GNG2: variants seen among roughly 807,000 people sequenced by gnomAD.
GNG2 encodes the protein G protein subunit gamma 2.
In GNG2, 5 loss-of-function variants were observed where a neutral mutation model predicts 5.5. The observed-to-expected ratio is 0.91, with a 90% CI of 0.48 to 1.92. GNG2 has a LOEUF of 1.92. Ranked by LOEUF, GNG2 falls within the 30% of genes most tolerant of loss-of-function variation. GNG2 has a pLI of 0.01. For missense variants in GNG2, 55 were observed against 88.4 expected (o/e 0.62, Z 1.52); for synonymous variants, 28 against 32.0 (o/e 0.88, Z 0.42).
intron 2 of GNG2, among the ~76,000 whole-genome samples, chr14:51,897,793 AG>A (rs1461598173): frequency 6.6e-6 from 1 of 152,224 alleles, no homozygotes. Flanking sequence ...TGTTGGAGCC[AG>A]GGTCCCATAG....
intron 2 of GNG2, chr14:51,914,338 G>A: frequency 1.4e-6 from 1 of 700,054 alleles, no homozygotes; most frequent in Non-Finnish European, 2.6e-6. Flanking sequence ...AACTGATGAA[G>A]AAACACAGGC....
In GNG2 at chr14:51,966,759, C is replaced by G. The variant is rs183380848; in HGVS notation, c.*72C>G. 4,826 of 1,280,606 alleles carry G rather than the reference C, an allele frequency of 3.8e-3. 8 individuals are homozygous for G. Among genetic ancestry groups the G allele is most frequent in the Non-Finnish European group, 5.0e-3 (4,370 of 879,608 alleles). 79.3% of individuals were successfully genotyped at this position (1,280,606 alleles called of 1,614,324 possible). ...TGTAGAGTTTTTAGTGAAGTGGGCA[C>G]CTTTCTAGTCCACGGCATTTGAAGA... On this transcript the variant is annotated 3_prime_UTR_variant, in exon 4 of 4. Transcript: ENST00000556766.
intron 2 of GNG2, among the ~76,000 whole-genome samples, chr14:51,929,914 T>A (rs1887555164): frequency 6.6e-6 from 1 of 152,192 alleles, no homozygotes; most frequent in Non-Finnish European, 1.5e-5. Context: ...TAGGATGATA[T>A]TATCTGTCCC....
intron 2 of GNG2, chr14:51,878,076 C>A: frequency 6.0e-6 from 1 of 166,412 alleles, no homozygotes; most frequent in Non-Finnish European, 1.3e-5. Context: ...AAGGGCTTTT[C>A]CAGCAGCAGC....
intron 2 of GNG2, among the ~76,000 whole-genome samples, chr14:51,909,261 T>G (rs1886145470): frequency 6.6e-6 from 1 of 152,202 alleles, no homozygotes. Flanking sequence ...TAATAAAATA[T>G]GAATCGTGTT....
At chr14:51,826,761 G>A (rs1180944717) in intron 1 of GNG2, among the ~76,000 whole-genome samples, 1 of 152,202 alleles carries the variant, frequency 6.6e-6, no homozygotes, top group African/African-American at 2.4e-5. Context: ...AGGAGATGAG[G>A]TCAGCTGAAG....
chr14:51,921,088 T>G (rs1242170195), intron 2 of GNG2, among the ~76,000 whole-genome samples: 1 of 152,200 alleles, frequency 6.6e-6, no homozygotes, highest in African/African-American at 2.4e-5. Flanking sequence ...TCATATTCAG[T>G]GTCCTAAAAG....
At chr14:51,897,029 A>C (rs1286327895) in intron 2 of GNG2, among the ~76,000 whole-genome samples, 1 of 152,242 alleles carries the variant, frequency 6.6e-6, no homozygotes, top group African/African-American at 2.4e-5. Context: ...GAACAAGTGA[A>C]TAATGCTACT....
intron 2 of GNG2, among the ~76,000 whole-genome samples, chr14:51,919,768 G>A (rs1886898553): frequency 6.6e-6 from 1 of 152,210 alleles, no homozygotes; most frequent in Admixed American, 6.5e-5. Context: ...AACAACAGAT[G>A]TTTATCAGGC....
intron 2 of GNG2, among the ~76,000 whole-genome samples, chr14:51,843,874 C>A (rs1300721694): frequency 6.6e-6 from 1 of 152,192 alleles, no homozygotes; most frequent in Non-Finnish European, 1.5e-5. Context: ...ACAGAATAAG[C>A]CATGCTCTGC....
intron 2 of GNG2, among the ~76,000 whole-genome samples, chr14:51,944,046 A>G (rs1057174461): frequency 3.3e-5 from 5 of 152,224 alleles, no homozygotes; most frequent in Non-Finnish European, 7.3e-5. Context: ...TTTACTACAA[A>G]GCCATGGTAG....
chr14:51,848,591 C>G (rs1403407329), intron 2 of GNG2, among the ~76,000 whole-genome samples: 1 of 152,170 alleles, frequency 6.6e-6, no homozygotes, highest in Non-Finnish European at 1.5e-5. Context: ...AGGTCTCTGT[C>G]TAAATGTCTT....
At chr14:51,911,729 A>G (rs1471351028) in intron 2 of GNG2, among the ~76,000 whole-genome samples, 1 of 133,632 alleles carries the variant, frequency 7.5e-6, no homozygotes, top group Non-Finnish European at 1.6e-5. Context: ...AAAAACATTT[A>G]TAGAGACAGG....
At chr14:51,934,331 C>CT (rs1887837757) in intron 2 of GNG2, among the ~76,000 whole-genome samples, 2 of 152,166 alleles carry the variant, frequency 1.3e-5, no homozygotes, top group Non-Finnish European at 2.9e-5. Context: ...ATCCCCTTTC[C>CT]AACCAACTGG....
At chr14:51,840,139 TC>T (rs1881443963) in intron 2 of GNG2, among the ~76,000 whole-genome samples, 1 of 152,176 alleles carries the variant, frequency 6.6e-6, no homozygotes, top group Admixed American at 6.5e-5. Flanking sequence ...AAATCACTGC[TC>T]CACCTGGGTA....
intron 3 of GNG2, chr14:51,951,970 C>A: frequency 1.5e-6 from 1 of 688,434 alleles, no homozygotes; most frequent in Non-Finnish European, 2.6e-6. Flanking sequence ...ATAAAAGGAC[C>A]AATTACCGAA....
At chr14:51,962,209 T>TCTTTAAAA (rs2140304563) in intron 3 of GNG2, among the ~76,000 whole-genome samples, 1 of 1,950 alleles carries the variant, frequency 5.1e-4, no homozygotes, top group Admixed American at 0.01. Context: ...TAAATAATAT[T>TCTTTAAAA]ATTTAAAATA....
At chr14:51,882,579 C>T (rs980296866) in intron 2 of GNG2, among the ~76,000 whole-genome samples, 5 of 152,166 alleles carry the variant, frequency 3.3e-5, no homozygotes, top group South Asian at 2.1e-4. Flanking sequence ...TTTGTTACTA[C>T]GTTGTAGACT....
intron 2 of GNG2, among the ~76,000 whole-genome samples, chr14:51,842,344 G>A (rs17831373): frequency 0.26 from 39,654 of 152,166 alleles, 6,353 homozygotes; most frequent in Non-Finnish European, 0.36. Flanking sequence ...ATCTTCCCCA[G>A]GTCTTCACCA....
Sources: gnomAD v4.1 joint callset for allele counts (sites outside exome capture counted in the v4.1 genomes callset) on GRCh38, gnomAD v4.1.1 for gene constraint, MANE v1.5 for transcripts, NCBI Gene and HGNC (gene_info 2026-07-23, HGNC 2026-07-21) for gene names.